The following RASAL2 variants were observed in gnomAD, a reference collection of about 807,000 sequenced individuals.
The protein encoded by RASAL2 is ras GTPase-activating protein nGAP.
A neutral mutation model predicts 128.9 loss-of-function variants in RASAL2; 58 were observed. The ratio of observed to expected loss-of-function variants is 0.45; its 90% confidence interval spans 0.36 to 0.56. The LOEUF is 0.56. Among genes scored for constraint, RASAL2 ranks in the 20% least tolerant of loss-of-function variants. The pLI, the probability that RASAL2 is intolerant of heterozygous loss-of-function variation, is 0.00. For synonymous variants in RASAL2, 561 were observed against 580.8 expected (o/e 0.97, Z 0.49); for missense variants, 1,360 against 1,601.6 (o/e 0.85, Z 2.57).
intron 3 of RASAL2, among the ~76,000 whole-genome samples, chr1:178,365,044 T>C (rs890207479): frequency 6.7e-6 from 1 of 149,516 alleles, no homozygotes; most frequent in African/African-American, 2.6e-5. Context: ...TGTTTTATAA[T>C]ACTGTTGACT....
chr1:178,441,612 A>G lies in RASAL2; in HGVS notation c.892A>G (p.Met298Val), dbSNP rs763612470. ...CNSASERDKW[M>V]ENLRRTVQPN... ...TTCTGCTTCTGAGAGAGACAAGTGGATGGAAAACCTTCGCAGGACAGTTCA... is the reference window on the plus strand; with the variant it reads ...TTCTGCTTCTGAGAGAGACAAGTGGGTGGAAAACCTTCGCAGGACAGTTCA... The change falls in exon 7 of 18, where the codon ATG becomes GTG. Residue 298 changes from methionine (M) to valine (V), a missense_variant. By Grantham distance (21) the Met-to-Val change is conservative. Around this residue, in one of 3 missense-constraint regions of RASAL2, gnomAD observed 617 missense variants for 714.2 expected, o/e 0.86. Coordinates refer to ENST00000367649, the MANE Select transcript of RASAL2 (RefSeq NM_170692.4). 2.5e-6 allele frequency: 4 copies of G among 1,612,580 alleles called. No homozygotes were observed. Among genetic ancestry groups the G allele is most frequent in the African/African-American group, 1.3e-5 (1 of 74,840 alleles).
intron 1 of RASAL2, among the ~76,000 whole-genome samples, chr1:178,268,493 G>C (rs1430834143): frequency 6.6e-6 from 1 of 151,970 alleles, no homozygotes; most frequent in Admixed American, 6.6e-5. Context: ...AATTAGCTGG[G>C]TGTGGTGGTG....
intron 3 of RASAL2, among the ~76,000 whole-genome samples, chr1:178,348,069 A>G (rs980980904): frequency 3.9e-5 from 6 of 152,202 alleles, no homozygotes; most frequent in Admixed American, 2.6e-4. Context: ...GAGTGATTCC[A>G]TTTATATAGA....
chr1:178,242,883 A>ATT (rs1664581190), intron 1 of RASAL2, among the ~76,000 whole-genome samples: 1 of 151,874 alleles, frequency 6.6e-6, no homozygotes, highest in Non-Finnish European at 1.5e-5. Flanking sequence ...TTCTTTTATA[A>ATT]GGTTTTTTTC....
rs71297900 is a variant in RASAL2 at position 178,141,193 on chromosome 1, C to CTTTTTTTTTTTTTTTTTTTTTT, written c.202+46503_202+46524dup. On this transcript the variant is annotated intron_variant, in intron 1 of 17. Coordinates refer to ENST00000367649, the MANE Select transcript of RASAL2 (RefSeq NM_170692.4). ...CTGGAGACCACTTTTCTTTTCTTTTCTTTTTTTTTTTTTTTTTTTTTTTTT... is the reference window on the plus strand; with the variant it reads ...CTGGAGACCACTTTTCTTTTCTTTTCTTTTTTTTTTTTTTTTTTTTTTTTTTTTTTTTTTTTTTTTTTTTTTT... Among the ~76,000 whole-genome samples the CTTTTTTTTTTTTTTTTTTTTTT allele has an allele frequency of 1.2e-4, 9 of 73,946 alleles. 1 individual carries two copies. The highest frequency in any genetic ancestry group is 4.8e-4 in the African/African-American group (9 of 18,800). The allele number at this position is 73,946 out of a possible 152,430, so 48.5% of individuals were successfully genotyped here.
intron 4 of RASAL2, among the ~76,000 whole-genome samples, chr1:178,407,085 C>A (rs558458007): frequency 6.6e-6 from 1 of 152,220 alleles, no homozygotes; most frequent in African/African-American, 2.4e-5. Context: ...TATGACAGAA[C>A]CTTTTCTCTT....
intron 1 of RASAL2, among the ~76,000 whole-genome samples, chr1:178,148,417 G>T (rs1660801415): frequency 6.6e-6 from 1 of 150,818 alleles, no homozygotes; most frequent in Admixed American, 6.6e-5. Flanking sequence ...GCTTAATGTG[G>T]TTAATCTATT....
At chr1:178,183,526 A>T (rs1662186988) in intron 1 of RASAL2, among the ~76,000 whole-genome samples, 1 of 152,148 alleles carries the variant, frequency 6.6e-6, no homozygotes, top group African/African-American at 2.4e-5. Context: ...CAGCCAACTT[A>T]TATGTTTACC....
chr1:178,373,018 G>A (rs1292566444), intron 3 of RASAL2, among the ~76,000 whole-genome samples: 2 of 151,892 alleles, frequency 1.3e-5, no homozygotes, highest in East Asian at 3.9e-4. Flanking sequence ...ATTAATTATA[G>A]CCTTCAAATT....
At position 178,457,858 on chromosome 1, in the gene RASAL2, A is replaced by G; in HGVS notation, c.2566A>G (p.Thr856Ala). Residue 856 changes from threonine (T) to alanine (A), a missense_variant, in exon 14 of 18, where the codon ACT becomes GCT. Physicochemically the swap from Thr to Ala is moderately conservative, Grantham distance 58. This residue lies in a region of RASAL2 where 741 missense variants were observed against 868.6 expected (regional missense o/e 0.85). Transcript: ENST00000367649. ...CGTCTCCCTCATGGACCTCCAGGAC[A>G]CTCATGCTGCTCAAGTGGAGCATGC... ...RSVSLMDLQD[T>A]HAAQVEHASV... The G allele has an allele frequency of 1.2e-6, 2 of 1,614,170 alleles. No individual in the cohort carries two copies. Among genetic ancestry groups the G allele is most frequent in the East Asian group, 2.2e-5 (1 of 44,878 alleles).
chr1:178,263,619 C>T (rs11807716), intron 1 of RASAL2, among the ~76,000 whole-genome samples: 5 of 152,160 alleles, frequency 3.3e-5, no homozygotes, highest in Non-Finnish European at 5.9e-5. Flanking sequence ...CTTATTGAAT[C>T]AAATAACCTA....
chr1:178,112,975 A>G (rs924089845), intron 1 of RASAL2, among the ~76,000 whole-genome samples: 2 of 152,112 alleles, frequency 1.3e-5, no homozygotes, highest in African/African-American at 4.8e-5. Context: ...ATTTTCTTCT[A>G]TTTTTTTCAT....
intron 1 of RASAL2, among the ~76,000 whole-genome samples, chr1:178,162,498 TTTATA>T (rs1661358855): frequency 8.0e-6 from 1 of 125,442 alleles, no homozygotes; most frequent in Admixed American, 1.0e-4. Flanking sequence ...ATATATATAT[TTTATA>T]TTATATATAT....
At chr1:178,329,293 C>A (rs1669181307) in intron 3 of RASAL2, among the ~76,000 whole-genome samples, 1 of 152,172 alleles carries the variant, frequency 6.6e-6, no homozygotes, top group African/African-American at 2.4e-5. Context: ...GAAGACCTCA[C>A]TGATTAAGGA....
intron 2 of RASAL2, among the ~76,000 whole-genome samples, chr1:178,285,818 A>G (rs1036828781): frequency 6.6e-6 from 1 of 152,168 alleles, no homozygotes; most frequent in Non-Finnish European, 1.5e-5. Context: ...ATTTTATTCA[A>G]TTTAGTACTG....
At position 178,312,704 on chromosome 1, in the gene RASAL2, G is replaced by A. The variant is rs113656788; in HGVS notation, c.457+12586G>A. Among the ~76,000 whole-genome samples, 693 of 152,258 alleles carry A rather than the reference G, an allele frequency of 4.6e-3. 3 individuals carry two copies. The highest frequency in any genetic ancestry group is 0.015 in the African/African-American group (631 of 41,548). On this transcript the variant is annotated intron_variant, in intron 3 of 17. Coordinates refer to ENST00000367649, the MANE Select transcript of RASAL2 (RefSeq NM_170692.4). Reference sequence around the variant, plus strand: ...CTGGAGCAGCTGATAAGGCTGTAGCGAGACTTTCCAAGAACACAAAATTGA... The same window carrying A: ...CTGGAGCAGCTGATAAGGCTGTAGCAAGACTTTCCAAGAACACAAAATTGA...
At chr1:178,164,823 T>TTGTGTGTGTGTGTG (rs200932615) in intron 1 of RASAL2, among the ~76,000 whole-genome samples, 2 of 131,902 alleles carry the variant, frequency 1.5e-5, no homozygotes, top group South Asian at 2.5e-4. Flanking sequence ...CATCAAACGT[T>TTGTGTGTGTGTGTG]TGTGTGTGTG....
At chr1:178,380,268 A>G (rs1384107392) in intron 3 of RASAL2, among the ~76,000 whole-genome samples, 1 of 152,194 alleles carries the variant, frequency 6.6e-6, no homozygotes, top group African/African-American at 2.4e-5. Context: ...CATGAGGCTT[A>G]TTTATCATAA....
At chr1:178,180,485 C>CAAAAAAAAAAAAAAAAAAAAAA (rs71108033) in intron 1 of RASAL2, among the ~76,000 whole-genome samples, 1 of 72,562 alleles carries the variant, frequency 1.4e-5, no homozygotes, top group African/African-American at 5.2e-5. Context: ...TCATCTCTAC[C>CAAAAAAAAAAAAAAAAAAAAAA]AAAAAAAAAA....
Sources: allele counts gnomAD v4.1 joint callset (sites outside exome capture counted in the v4.1 genomes callset), GRCh38; gene constraint gnomAD v4.1.1; regional missense constraint gnomAD v4.1.1; transcripts MANE v1.5; gene names NCBI Gene and HGNC (gene_info 2026-07-23, HGNC 2026-07-21).